Variants in ARFGEF2 observed in about 807,000 individuals in gnomAD.
ARFGEF2 encodes ARF guanine nucleotide exchange factor 2, also known as brefeldin A-inhibited guanine nucleotide-exchange protein 2.
A neutral mutation model predicts 219.9 loss-of-function variants in ARFGEF2; 74 were observed. The observed-to-expected ratio is 0.34, with a 90% CI of 0.28 to 0.41. The LOEUF is 0.41. ARFGEF2 is among the 10% of genes least tolerant of loss of function. The pLI is 1.00. For synonymous variants in ARFGEF2, 733 were observed against 799.2 expected, an observed-to-expected ratio of 0.92 and a Z score of 1.40; for missense variants, 1,743 against 2,218.3, an observed-to-expected ratio of 0.79 and a Z score of 4.30.
intron 1 of ARFGEF2, among the ~76,000 whole-genome samples, chr20:48,928,660 A>G (rs2090894152): frequency 6.8e-6 from 1 of 147,216 alleles, no homozygotes; most frequent in African/African-American, 2.5e-5. Context: ...ACACCCAGCT[A>G]ATTTTTTGTA....
At chr20:48,972,135 G>T (rs2091232243) in intron 10 of ARFGEF2, among the ~76,000 whole-genome samples, 191 bp from the exon 11 acceptor site, 1 of 152,096 alleles carries the variant, frequency 6.6e-6, no homozygotes. Context: ...TCCCCAGTGG[G>T]CCCCACCCTG....
At chr20:48,979,039 C>G (rs2091279425) in intron 14 of ARFGEF2, among the ~76,000 whole-genome samples, 1 of 152,154 alleles carries the variant, frequency 6.6e-6, no homozygotes, top group Non-Finnish European at 1.5e-5. Flanking sequence ...AGACAGCATC[C>G]CTATCTTGTG....
At chr20:48,970,586 G>T (rs1186882431) in intron 9 of ARFGEF2, among the ~76,000 whole-genome samples, 3 of 151,508 alleles carry the variant, frequency 2.0e-5, no homozygotes, top group Non-Finnish European at 4.4e-5. Context: ...ACTCCAGCCT[G>T]GACAAAAAGA....
intron 21 of ARFGEF2, among the ~76,000 whole-genome samples, chr20:48,992,024 C>A (rs2091360315): frequency 6.6e-6 from 1 of 152,058 alleles, no homozygotes; most frequent in African/African-American, 2.4e-5. Flanking sequence ...TGTGACAGAC[C>A]TGCAGAGCAG....
Position 48,989,619 on chromosome 20 carries a change from G to A in ARFGEF2, c.2749G>A (p.Val917Met). The A allele has an allele frequency of 3.7e-6, 6 of 1,614,252 alleles. No individual in the cohort carries two copies. In the South Asian group the frequency reaches 6.6e-5, roughly 18 times the overall value. Reference sequence around the variant, plus strand: ...ACTCCAGAACTGTGATGACACTGAAGTGGCCTCCTTGTGTTTGGAAGGCAT... The same window carrying A: ...ACTCCAGAACTGTGATGACACTGAAATGGCCTCCTTGTGTTTGGAAGGCAT... ...IGLQNCDDTE[V>M]ASLCLEGIRC... Residue 917 changes from valine (V) to methionine (M), a missense_variant, in exon 20 of 39, where the codon GTG becomes ATG. Val to Met is a conservative substitution (Grantham distance 21). Coordinates refer to ENST00000371917, the MANE Select transcript of ARFGEF2 (RefSeq NM_006420.3).
chr20:48,950,815 T>A lies in ARFGEF2; in HGVS notation c.277-508T>A, dbSNP rs13037349. 4.2e-3 allele frequency among the ~76,000 whole-genome samples: 267 copies of A among 64,264 alleles called. 5 individuals carry two copies. Among genetic ancestry groups the A allele is most frequent in the Admixed American group, 5.8e-3 (31 of 5,332 alleles). The allele number at this position is 64,264 out of a possible 152,430, so 42.2% of individuals were successfully genotyped here. ...TGTCTAAAAAAAAAAAAAAAAAATA[T>A]ATATATATATATATATATATATATA... is the stretch of plus-strand genomic sequence containing the variant. On this transcript the variant is annotated intron_variant, in intron 3 of 38. Coordinates refer to ENST00000371917, the MANE Select transcript of ARFGEF2 (RefSeq NM_006420.3).
At chr20:48,948,020 A>G (rs1490231591) in intron 3 of ARFGEF2, among the ~76,000 whole-genome samples, 2 of 152,364 alleles carry the variant, frequency 1.3e-5, no homozygotes, top group South Asian at 4.1e-4. Flanking sequence ...TTTATACCAT[A>G]AACATTATCT....
chr20:48,946,428 T>G (rs1467445316), intron 3 of ARFGEF2, among the ~76,000 whole-genome samples: 2 of 151,974 alleles, frequency 1.3e-5, no homozygotes, highest in Non-Finnish European at 2.9e-5. Flanking sequence ...AGGTCAGTCT[T>G]GTCTAAGCTA....
chr20:48,984,910 C>T (rs1027178803), intron 15 of ARFGEF2, 70 bp downstream of exon 15: 1 of 1,610,196 alleles, frequency 6.2e-7, no homozygotes, highest in Middle Eastern at 2.3e-4. Context: ...CCAGTTTTAA[C>T]CTCGAGATTG....
rs752211996 is a variant in ARFGEF2, at chr20:49,016,398, A to C, written c.4298A>C (p.Gln1433Pro). 1 of 1,613,218 alleles carries C rather than the reference A, an allele frequency of 6.2e-7. No individual in the cohort carries two copies. The highest frequency in any genetic ancestry group is 2.2e-5 in the East Asian group (1 of 44,840). ...CTTTCTGATGTATTTGCACAATTGC[A>C]GTGGTGTGTCAAACAAGGTACTCTT... The part of the protein sequence containing the change: ...VLLSDVFAQL[Q>P]WCVKQDNEQL... Residue 1433 changes from glutamine to proline, a missense_variant, in exon 31 of 39, where the codon CAG becomes CCG. Around this residue, in one of 5 missense-constraint regions of ARFGEF2, gnomAD observed 578 missense variants for 664.0 expected, o/e 0.87. Transcript: ENST00000371917.
rs1349028263 is a variant in ARFGEF2, at chr20:48,974,275, G to A, written c.1666-491G>A. On this transcript the variant is annotated intron_variant, in intron 12 of 38. Transcript: ENST00000371917. ...TGAGTGGCAGGGATTACAGGTGCCTGCCACCACACCCGGCTGATTTGAGAT... is the reference window on the plus strand; with the variant it reads ...TGAGTGGCAGGGATTACAGGTGCCTACCACCACACCCGGCTGATTTGAGAT... 2.6e-5 allele frequency among the ~76,000 whole-genome samples: 4 copies of A among 151,866 alleles called. No homozygotes were observed. In the East Asian group the frequency reaches 7.8e-4, roughly 29 times the overall value.
At chr20:48,984,703 T>C in intron 14 of ARFGEF2, 26 bp from the exon 15 acceptor site, 2 of 1,613,998 alleles carry the variant, frequency 1.2e-6, no homozygotes, top group Non-Finnish European at 8.5e-7. Flanking sequence ...AATAAGCAAC[T>C]TGTGTCCCAT....
chr20:49,014,169 G>A (rs2091517160), intron 30 of ARFGEF2, among the ~76,000 whole-genome samples: 1 of 151,930 alleles, frequency 6.6e-6, no homozygotes, highest in Non-Finnish European at 1.5e-5. Flanking sequence ...AAGAATGAGA[G>A]GAAATACATC....
In ARFGEF2 at chr20:49,006,869, C is replaced by T. The variant is rs541849987; in HGVS notation, c.3584+1648C>T. ...TTTGCTCTCTGTGAAAGATGGAAGC[C>T]GTTGGAGGTTTTTGTTTTTTTTTTT... is the stretch of plus-strand genomic sequence containing the variant. On this transcript the variant is annotated intron_variant, in intron 26 of 38. Transcript: ENST00000371917. Among the ~76,000 whole-genome samples, 85 of 150,874 alleles carry T rather than the reference C, an allele frequency of 5.6e-4. 1 individual carries two copies. The highest frequency in any genetic ancestry group is 1.4e-3 in the African/African-American group (57 of 41,152).
At position 48,951,335 on chromosome 20, in the gene ARFGEF2, T is replaced by A. The variant is rs1447888913; in HGVS notation, c.289T>A (p.Tyr97Asn). 6.2e-7 allele frequency: 1 copy of A among 1,614,174 alleles called. No homozygotes were observed. The highest frequency in any genetic ancestry group is 8.5e-7 in the Non-Finnish European group (1 of 1,180,040). Residue 97 changes from tyrosine to asparagine, a missense_variant, in exon 4 of 39, where the codon TAC (tyrosine) becomes AAC (asparagine). By Grantham distance (143) the Tyr-to-Asn change is moderately radical (BLOSUM62 -2). Transcript: ENST00000371917. ...SLDCLQKLIAYGHITGNAPDS... is the reference protein window; with the variant it reads ...SLDCLQKLIANGHITGNAPDS... ...TTTCTCTCTTTAGAAACTCATCGCA[T>A]ACGGGCACATCACTGGCAACGCCCC...
Position 49,001,906 on chromosome 20 carries a change from C to T in ARFGEF2, c.3433-3164C>T, listed in dbSNP as rs1053345908. 4.6e-5 allele frequency among the ~76,000 whole-genome samples: 7 copies of T among 152,268 alleles called. No homozygotes were observed. The South Asian group carries it at 6.2e-4, about 13-fold the overall frequency. On this transcript the variant is annotated intron_variant, in intron 25 of 38. Coordinates refer to ENST00000371917, the MANE Select transcript of ARFGEF2 (RefSeq NM_006420.3). ...TAGCAAGGAATCATAAAGATTTAAC[C>T]ATGTTAGCATATGTAGATTTGTTCT...
Position 48,985,388 on chromosome 20 carries a change from A to G in ARFGEF2, c.2071-20A>G. The stretch of plus-strand genomic sequence containing the variant: ...TCGTATTTGACAATTTCTGGATATA[A>G]GTGAGTGTGTATGTTTCAGACCCAA... On this transcript the variant is annotated intron_variant, in intron 15 of 38. Transcript: ENST00000371917. The G allele has an allele frequency of 6.2e-7, 1 of 1,613,596 alleles. No individual in the cohort carries two copies. The highest frequency in any genetic ancestry group is 8.5e-7 in the Non-Finnish European group (1 of 1,179,574).
chr20:48,996,910 A>G (rs1018928627), intron 23 of ARFGEF2, among the ~76,000 whole-genome samples: 19 of 151,962 alleles, frequency 1.3e-4, no homozygotes, highest in East Asian at 1.9e-4. Context: ...CTTATTAGCA[A>G]TCACTCTCCG....
In ARFGEF2 at chr20:48,984,777, C is replaced by T; in HGVS notation, c.2007C>T (p.Gly669=). The part of the protein sequence containing the change: ...KRGIQFLQEQ[G]MLGTSVEDIA... ...GGATCCAGTTTCTCCAGGAGCAGGG[C>T]ATGCTGGGAACGTCAGTTGAAGACA... Residue 669 remains glycine, a synonymous_variant, in exon 15 of 39, where the codon GGC becomes GGT. Coordinates refer to ENST00000371917, the MANE Select transcript of ARFGEF2 (RefSeq NM_006420.3). 1 of 1,613,724 alleles carries T rather than the reference C, an allele frequency of 6.2e-7. No homozygotes were observed. Among genetic ancestry groups the T allele is most frequent in the Non-Finnish European group, 8.5e-7 (1 of 1,180,042 alleles).
Sources: allele counts gnomAD v4.1 joint callset (sites outside exome capture counted in the v4.1 genomes callset), GRCh38; gene constraint gnomAD v4.1.1; regional missense constraint gnomAD v4.1.1; transcripts MANE v1.5; gene names NCBI Gene and HGNC (gene_info 2026-07-23, HGNC 2026-07-21).